Variants in DGKD observed in about 807,000 individuals in gnomAD.
The protein encoded by DGKD is diacylglycerol kinase delta, also known as DAG kinase delta.
DGKD carries 68 observed loss-of-function variants against 154.4 expected under a neutral mutation model. The ratio of observed to expected loss-of-function variants is 0.44; its 90% CI spans 0.36 to 0.54. The LOEUF is 0.54. Among genes scored for constraint, DGKD ranks in the 20% least tolerant of loss-of-function variants. DGKD has a pLI of 0.00. For missense variants in DGKD, 1,343 were observed against 1,593.6 expected (o/e 0.84, Z 2.68); for synonymous variants, 693 against 638.0 (o/e 1.09, Z -1.30).
chr2:233,430,143 G>A (rs1197281236), intron 3 of DGKD, among the ~76,000 whole-genome samples: 1 of 152,182 alleles, frequency 6.6e-6, no homozygotes, highest in Non-Finnish European at 1.5e-5. Context: ...AATGCAAAAT[G>A]GTACAACCCC....
At position 233,429,351 on chromosome 2, in the gene DGKD, A is replaced by G. The variant is rs2062428954; in HGVS notation, c.349-5029A>G. 5.1e-6 allele frequency: 5 copies of G among 982,680 alleles called. No homozygotes were observed. In the South Asian group the frequency reaches 1.9e-4, roughly 37 times the overall value. The allele number at this position is 982,680 out of a possible 1,614,324, so 60.9% of individuals were successfully genotyped here. The stretch of plus-strand genomic sequence containing the variant: ...ATTTACTATGCTGACAAAAGTGTTC[A>G]AATATTAAAACTCACCCAGGGTGAA... On this transcript the variant is annotated intron_variant, in intron 3 of 29. Coordinates refer to ENST00000264057, the MANE Select transcript of DGKD (RefSeq NM_152879.3).
intron 1 of DGKD, among the ~76,000 whole-genome samples, chr2:233,356,087 C>T (rs1462044764): frequency 6.6e-6 from 1 of 152,166 alleles, no homozygotes; most frequent in African/African-American, 2.4e-5. Context: ...CGCGGAAACT[C>T]GGGGCAGAGA....
rs2063540975 is a variant in DGKD, at chr2:233,458,947, C to T, written c.2694+550C>T. Among the ~76,000 whole-genome samples, 1 of 152,168 alleles carries T rather than the reference C, an allele frequency of 6.6e-6. No individual in the cohort carries two copies. The highest frequency in any genetic ancestry group is 2.1e-4 in the South Asian group (1 of 4,818). ...GCTTGAACCACAGCCTTGCCTGTCC[C>T]CTCTGAGGTGGGATGAGATAGAGCA... On this transcript the variant is annotated intron_variant, in intron 22 of 29. Transcript: ENST00000264057. This position sits in a 1 kb window ranked among gnomAD's most constrained non-coding sequence, Gnocchi z 6.6.
rs151141639 is a variant in DGKD, at chr2:233,432,969, A to G, written c.349-1411A>G. 1.6e-3 allele frequency among the ~76,000 whole-genome samples: 247 copies of G among 152,354 alleles called. 2 individuals are homozygous for G. Among genetic ancestry groups the G allele is most frequent in the African/African-American group, 5.8e-3 (242 of 41,574 alleles). ...CAAATGCTGGCGAGGATGTGGAGAA[A>G]AGGGAACCGTACACTGCTGGTAGGA... On this transcript the variant is annotated intron_variant, in intron 3 of 29. Coordinates refer to ENST00000264057, the MANE Select transcript of DGKD (RefSeq NM_152879.3).
Position 233,457,380 on chromosome 2 carries a change from C to T in DGKD, c.2580+52C>T. The T allele has an allele frequency of 8.2e-6, 11 of 1,336,038 alleles. No individual in the cohort carries two copies. Among genetic ancestry groups the T allele is most frequent in the African/African-American group, 1.4e-5 (1 of 69,480 alleles). The allele number at this position is 1,336,038 out of a possible 1,614,324, so 82.8% of individuals were successfully genotyped here. The stretch of plus-strand genomic sequence containing the variant: ...CCTGAGCTCAGTGGGGAAGAGCTGT[C>T]TGAGAGCAGGGGGGTGTTCTGCTGT... On this transcript the variant is annotated intron_variant, in intron 21 of 29. Coordinates refer to ENST00000264057, the MANE Select transcript of DGKD (RefSeq NM_152879.3). The surrounding 1 kb of genome is among the most constrained non-coding windows in gnomAD (Gnocchi z 5.5).
chr2:233,462,771 TG>T (rs755495153), intron 26 of DGKD, 36 bp downstream of exon 26: 5 of 1,586,220 alleles, frequency 3.2e-6, no homozygotes, highest in East Asian at 4.5e-5. Context: ...GGGCTCGGGC[TG>T]TGTGTGAAAC....
Position 233,417,763 on chromosome 2 carries a change from T to C in DGKD, c.349-16617T>C, listed in dbSNP as rs183797630. ...TGCGATTCTCAAACATGGGTAGGGA[T>C]AAGGCAGTGGGGGAGGTGAGATTGG... On this transcript the variant is annotated intron_variant, in intron 3 of 29. Coordinates refer to ENST00000264057, the MANE Select transcript of DGKD (RefSeq NM_152879.3). Among the ~76,000 whole-genome samples the C allele has an allele frequency of 2.6e-5, 4 of 152,302 alleles. No individual in the cohort carries two copies. The East Asian group carries it at 7.7e-4, about 29-fold the overall frequency.
intron 1 of DGKD, among the ~76,000 whole-genome samples, chr2:233,364,532 T>A (rs934529861): frequency 6.6e-6 from 1 of 152,218 alleles, no homozygotes; most frequent in Non-Finnish European, 1.5e-5. Flanking sequence ...TTCTAAAGTC[T>A]TTCCATTTCC....
At position 233,450,261 on chromosome 2, in the gene DGKD, G is replaced by C. The variant is rs535864932; in HGVS notation, c.2038+130G>C. 2.4e-6 allele frequency: 3 copies of C among 1,229,922 alleles called. No individual in the cohort carries two copies. The South Asian group carries it at 4.9e-5, about 20-fold the overall frequency. The allele number at this position is 1,229,922 out of a possible 1,614,324, so 76.2% of individuals were successfully genotyped here. On this transcript the variant is annotated intron_variant, in intron 16 of 29. Transcript: ENST00000264057. ...TTGGCCACTTGGTTACATAAAAATT[G>C]AGCGCCCAAGGCCTGTTTCTGTGCA...
intron 27 of DGKD, among the ~76,000 whole-genome samples, chr2:233,465,891 ATAAT>A (rs146893331): frequency 0.03 from 4,633 of 152,252 alleles, 224 homozygotes; most frequent in African/African-American, 0.11. Context: ...AAGATTAATA[ATAAT>A]TAAAACACCA....
intron 1 of DGKD, among the ~76,000 whole-genome samples, chr2:233,375,300 A>C (rs894825157): frequency 3.9e-5 from 6 of 152,006 alleles, no homozygotes. Context: ...CAAAAAAGGA[A>C]AAAAAAGAAA....
intron 3 of DGKD, among the ~76,000 whole-genome samples, chr2:233,407,190 A>G (rs1395190626): frequency 6.6e-6 from 1 of 152,240 alleles, no homozygotes; most frequent in Non-Finnish European, 1.5e-5. Context: ...CTAGTAGGAA[A>G]GTAATAGGGT....
In DGKD at chr2:233,448,106, A is replaced by G. The variant is rs773496335; in HGVS notation, c.1439A>G (p.Tyr480Cys). The G allele has an allele frequency of 1.2e-6, 2 of 1,613,916 alleles. No individual in the cohort carries two copies. Among genetic ancestry groups the G allele is most frequent in the Non-Finnish European group, 1.7e-6 (2 of 1,180,014 alleles). Residue 480 changes from tyrosine (Y) to cysteine (C), a missense_variant, in exon 13 of 30, where the codon TAT (tyrosine) becomes TGT (cysteine). Transcript: ENST00000264057. ...EDSEVQQILF[Y>C]EDSVAAHLSK... ...TTGCAGGTACAGCAGATTCTCTTCT[A>G]TGAAGACTCGGTTGCAGCCCACCTT...
chr2:233,450,917 T>TA lies in DGKD; in HGVS notation c.2039-4dup, dbSNP rs149649324. Reference sequence around the variant, plus strand: ...GCTGTAAGGTTTTCTGCTGTGTTGTTACAGTGTCGAAATCTCCGTGTGAAA... The same window carrying TA: ...GCTGTAAGGTTTTCTGCTGTGTTGTTAACAGTGTCGAAATCTCCGTGTGAAA... On this transcript the variant is annotated splice_polypyrimidine_tract_variant and splice_region_variant and intron_variant, in intron 16 of 29. Transcript: ENST00000264057. 1,933 of 1,597,754 alleles carry TA rather than the reference T, an allele frequency of 1.2e-3. 20 individuals are homozygous for TA. The African/African-American group carries it at 0.021, about 17-fold the overall frequency.
rs540004535 is a variant in DGKD at position 233,458,992 on chromosome 2, C to T, written c.2694+595C>T. ...AGAGCAGACCCAGGCTGGACTCTGC[C>T]CGTGTCTGCAGCTGTCAAAGCCGCA... On this transcript the variant is annotated intron_variant, in intron 22 of 29. Transcript: ENST00000264057. This position sits in a 1 kb window ranked among gnomAD's most constrained non-coding sequence, Gnocchi z 6.6. Among the ~76,000 whole-genome samples, 4 of 152,212 alleles carry T rather than the reference C, an allele frequency of 2.6e-5. No homozygotes were observed. The highest frequency in any genetic ancestry group is 4.4e-5 in the Non-Finnish European group (3 of 68,048).
intron 3 of DGKD, among the ~76,000 whole-genome samples, chr2:233,413,305 T>C (rs1413637472): frequency 6.6e-6 from 1 of 152,208 alleles, no homozygotes; most frequent in Non-Finnish European, 1.5e-5. Context: ...TGTGTAAGCT[T>C]GGTGTTCTTT....
chr2:233,387,478 G>GAA (rs1703262190), intron 1 of DGKD, among the ~76,000 whole-genome samples: 1 of 152,158 alleles, frequency 6.6e-6, no homozygotes, highest in Non-Finnish European at 1.5e-5. Flanking sequence ...AACATCTCAT[G>GAA]ACCAAGTAGT....
chr2:233,380,836 G>C (rs1284887307), intron 1 of DGKD, among the ~76,000 whole-genome samples: 1 of 152,098 alleles, frequency 6.6e-6, no homozygotes, highest in African/African-American at 2.4e-5. Context: ...GCTTTTTTGG[G>C]TTTGGTCCTT....
At position 233,438,185 on chromosome 2, in the gene DGKD, A is replaced by G. The variant is rs371244547; in HGVS notation, c.923-32A>G. The G allele has an allele frequency of 8.7e-6, 14 of 1,609,514 alleles. No homozygotes were observed. The highest frequency in any genetic ancestry group is 1.1e-5 in the Non-Finnish European group (13 of 1,177,326). ...GTGCCCTCAGCGTCTTCCGTGGCCT[A>G]TATATTTTCTTCTGTTCGTTCTTGC... On this transcript the variant is annotated intron_variant, in intron 8 of 29. Transcript: ENST00000264057. The surrounding 1 kb of genome is among the most constrained non-coding windows in gnomAD (Gnocchi z 4.1).
Sources: allele counts gnomAD v4.1 joint callset (sites outside exome capture counted in the v4.1 genomes callset), GRCh38; gene constraint gnomAD v4.1.1; non-coding constraint Gnocchi (gnomAD v3.1); transcripts MANE v1.5; gene names NCBI Gene and HGNC (gene_info 2026-07-23, HGNC 2026-07-21).